The following EEF2K variants were observed in gnomAD, a reference collection of about 807,000 sequenced individuals.
The protein encoded by EEF2K is eukaryotic elongation factor 2 kinase, also known as alternative protein EEF2K.
Under a neutral mutation model 93.8 loss-of-function variants are expected in EEF2K, and 70 were observed. The ratio of observed to expected loss-of-function variants is 0.75; its 90% CI spans 0.62 to 0.91. The LOEUF (loss-of-function observed/expected upper bound fraction) is 0.91. Among genes scored for constraint, EEF2K ranks in the 40% least tolerant of loss-of-function variants. EEF2K has a pLI of 0.00. For synonymous variants in EEF2K, 376 were observed against 380.8 expected, an observed-to-expected ratio of 0.99 and a Z score of 0.15; for missense variants, 935 against 972.9, an observed-to-expected ratio of 0.96 and a Z score of 0.52.
At chr16:22,213,027 C>A (rs570315586) in intron 1 of EEF2K, among the ~76,000 whole-genome samples, 1 of 152,124 alleles carries the variant, frequency 6.6e-6, no homozygotes, top group East Asian at 1.9e-4. Flanking sequence ...CGCCTGTAAT[C>A]CCAGCACTTT....
chr16:22,250,333 CTTT>C (rs1365731384), intron 4 of EEF2K, among the ~76,000 whole-genome samples: 25 of 152,154 alleles, frequency 1.6e-4, no homozygotes. Flanking sequence ...GTTATCTCCA[CTTT>C]TTTTCTCTTA....
chr16:22,260,601 G>T (rs372779540), intron 11 of EEF2K, 72 bp downstream of exon 11: 2 of 1,595,068 alleles, frequency 1.3e-6, no homozygotes, highest in South Asian at 1.1e-5. Flanking sequence ...CTCCCAGAGT[G>T]AATCTTCAGC....
chr16:22,246,873 A>C (rs1293326711), intron 3 of EEF2K, among the ~76,000 whole-genome samples: 1 of 151,300 alleles, frequency 6.6e-6, no homozygotes, highest in African/African-American at 2.4e-5. Context: ...CCCCATCTCT[A>C]CTAAAAATAC....
At chr16:22,222,702 T>TAAAAAAAAA (rs1161314400) in intron 1 of EEF2K, among the ~76,000 whole-genome samples, 14 of 96,496 alleles carry the variant, frequency 1.5e-4, no homozygotes, top group South Asian at 3.4e-4. Context: ...ACCCCGTCCC[T>TAAAAAAAAA]AAAAAAAAAA....
rs941288892 is a variant in EEF2K at position 22,237,175 on chromosome 16, C to T, written c.247-7455C>T. On this transcript the variant is annotated intron_variant, in intron 2 of 17. Coordinates refer to ENST00000263026, the MANE Select transcript of EEF2K (RefSeq NM_013302.5). ...CACCAGACTGGTCTCAAACTCCTGGCCTCAAGTGCTCCACCTATGTCGGCC... is the reference window on the plus strand; with the variant it reads ...CACCAGACTGGTCTCAAACTCCTGGTCTCAAGTGCTCCACCTATGTCGGCC... 7.5e-4 allele frequency among the ~76,000 whole-genome samples: 114 copies of T among 151,180 alleles called. 1 individual carries two copies. Among genetic ancestry groups the T allele is most frequent in the Non-Finnish European group, 1.2e-3 (81 of 67,812 alleles).
chr16:22,258,811 C>A, intron 10 of EEF2K, 116 bp downstream of exon 10: 1 of 1,394,304 alleles, frequency 7.2e-7, no homozygotes, highest in Non-Finnish European at 9.8e-7. Flanking sequence ...AGGTTCATGG[C>A]CCCAGTGGTT....
intron 6 of EEF2K, among the ~76,000 whole-genome samples, chr16:22,256,018 A>T (rs758892110): frequency 6.6e-6 from 1 of 151,946 alleles, no homozygotes; most frequent in Non-Finnish European, 1.5e-5. Flanking sequence ...GGTTAAAGTG[A>T]TACTCCTGCC....
Position 22,225,804 on chromosome 16 carries a change from T to G in EEF2K, c.75T>G (p.Gly25=). The G allele has an allele frequency of 6.2e-7, 1 of 1,614,198 alleles. No homozygotes were observed. The highest frequency in any genetic ancestry group is 8.5e-7 in the Non-Finnish European group (1 of 1,180,016). The change falls in exon 2 of 18, where the codon GGT becomes GGG. Residue 25 remains glycine (G), a synonymous_variant. Transcript: ENST00000263026. ...GGQSPRAGHD[G]DSDGDSDDEE... is the part of the protein sequence containing the mutation. ...AGTCCCCCCGAGCTGGCCATGATGG[T>G]GATTCTGATGGGGACAGCGACGATG...
Position 22,266,432 on chromosome 16 carries a change from C to T in EEF2K, c.1483C>T (p.His495Tyr), listed in dbSNP as rs893103213. 2.5e-6 allele frequency: 4 copies of T among 1,614,078 alleles called. No individual in the cohort carries two copies. Among genetic ancestry groups the T allele is most frequent in the African/African-American group, 2.7e-5 (2 of 74,944 alleles). Residue 495 changes from histidine (H) to tyrosine (Y), a missense_variant, in exon 14 of 18, where the codon CAC becomes TAC. By Grantham distance (83) the His-to-Tyr change is moderately conservative. Coordinates refer to ENST00000263026, the MANE Select transcript of EEF2K (RefSeq NM_013302.5). Reference sequence around the variant, plus strand: ...GAATCTCCTCAACTCCTCCCGCCTCCACCTGCCGAGGGCTTCGGCCGTGGC... The same window carrying T: ...GAATCTCCTCAACTCCTCCCGCCTCTACCTGCCGAGGGCTTCGGCCGTGGC... ...KWNLLNSSRL[H>Y]LPRASAVALE... is the part of the protein sequence containing the mutation.
Position 22,284,967 on chromosome 16 carries a change from G to A in EEF2K, c.*971G>A, listed in dbSNP as rs2047740711. The A allele has an allele frequency of 6.6e-6, 1 of 152,544 alleles. No individual in the cohort carries two copies. The highest frequency in any genetic ancestry group is 6.6e-5 in the Admixed American group (1 of 15,262). The allele number at this position is 152,544 out of a possible 1,614,324, so 9.4% of individuals were successfully genotyped here. A position where few individuals can be genotyped will look rare whatever the true frequency, so the allele number is the denominator to read the frequency against. Reference sequence around the variant, plus strand: ...TTCAATTTCCTTCCATAATGCTACTGATTTTCTGGCATACAGCCGAATTCC... The same window carrying A: ...TTCAATTTCCTTCCATAATGCTACTAATTTTCTGGCATACAGCCGAATTCC... On this transcript the variant is annotated 3_prime_UTR_variant, in exon 18 of 18. Coordinates refer to ENST00000263026, the MANE Select transcript of EEF2K (RefSeq NM_013302.5).
At chr16:22,268,963 A>G (rs1159706015) in intron 15 of EEF2K, among the ~76,000 whole-genome samples, 2 of 151,990 alleles carry the variant, frequency 1.3e-5, no homozygotes, top group Admixed American at 6.6e-5. Flanking sequence ...TCTCAAAAAA[A>G]AAAAGCTTTA....
chr16:22,243,247 ATTT>A (rs568043657), intron 2 of EEF2K, among the ~76,000 whole-genome samples: 2 of 118,498 alleles, frequency 1.7e-5, no homozygotes, highest in Non-Finnish European at 3.5e-5. Context: ...GATGCAGCCT[ATTT>A]TTTTTTTTTT....
intron 2 of EEF2K, among the ~76,000 whole-genome samples, chr16:22,233,292 C>T (rs2047134136): frequency 6.6e-6 from 1 of 152,180 alleles, no homozygotes; most frequent in African/African-American, 2.4e-5. Context: ...TGTTCCTTTT[C>T]TCCTTCTCTG....
At chr16:22,262,963 C>A in intron 11 of EEF2K, 147 bp from the exon 12 acceptor site, 1 of 586,538 alleles carries the variant, frequency 1.7e-6, no homozygotes, top group Non-Finnish European at 2.8e-6. Context: ...AGGCATGAGC[C>A]ACCACACCCG....
In EEF2K at chr16:22,273,521, G is replaced by A. The variant is rs9889102; in HGVS notation, c.1765-105G>A. 20,679 of 1,515,248 alleles carry A rather than the reference G, an allele frequency of 0.014. 2,299 individuals carry two copies. In the African/African-American group the frequency reaches 0.25, roughly 18 times the overall value. 93.9% of individuals were successfully genotyped at this position (1,515,248 alleles called of 1,614,324 possible). On this transcript the variant is annotated intron_variant, in intron 15 of 17. Transcript: ENST00000263026. The stretch of plus-strand genomic sequence containing the variant: ...TCTCACTTCTATAGCCTCCCAACCC[G>A]GAGCTCTCAAAAAACAGGGTGAAGA...
chr16:22,239,150 T>G (rs1041018238), intron 2 of EEF2K, among the ~76,000 whole-genome samples: 29 of 151,908 alleles, frequency 1.9e-4, no homozygotes, highest in Non-Finnish European at 4.1e-4. Context: ...CTGGCATGAC[T>G]CTGTTCTGGG....
chr16:22,227,197 C>T (rs1160254035), intron 2 of EEF2K, among the ~76,000 whole-genome samples: 3 of 152,096 alleles, frequency 2.0e-5, no homozygotes, highest in African/African-American at 4.8e-5. Context: ...GAAACTCCTT[C>T]TCAAAAAATT....
intron 2 of EEF2K, among the ~76,000 whole-genome samples, chr16:22,235,717 C>T (rs945829916): frequency 2.6e-5 from 4 of 152,080 alleles, no homozygotes; most frequent in African/African-American, 7.2e-5. Context: ...AGGCTGGTCT[C>T]GAACTCCTGA....
intron 1 of EEF2K, among the ~76,000 whole-genome samples, chr16:22,218,186 A>G (rs2046976889): frequency 6.6e-6 from 1 of 152,030 alleles, no homozygotes; most frequent in South Asian, 2.1e-4. Context: ...CTTGTGACAC[A>G]CTCCTGAACA....
Sources: gnomAD v4.1 joint callset for allele counts (sites outside exome capture counted in the v4.1 genomes callset) on GRCh38, gnomAD v4.1.1 for gene constraint, MANE v1.5 for transcripts, NCBI Gene and HGNC (gene_info 2026-07-23, HGNC 2026-07-21) for gene names.